Variants in PDE1C observed in about 807,000 individuals in gnomAD.
PDE1C encodes the protein phosphodiesterase 1C, also known as dual specificity calcium/calmodulin-dependent 3',5'-cyclic nucleotide phosphodiesterase 1C.
PDE1C carries 62 observed loss-of-function variants against 93.1 expected under a neutral mutation model. The ratio of observed to expected loss-of-function variants is 0.67; its 90% CI spans 0.54 to 0.82. PDE1C has a LOEUF of 0.82. PDE1C is among the 40% of genes least tolerant of loss of function. The pLI, the probability that PDE1C is intolerant of heterozygous loss-of-function variation, is 0.00. For missense variants in PDE1C, 742 were observed against 884.6 expected, an observed-to-expected ratio of 0.84 and a Z score of 2.04; for synonymous variants, 325 against 310.1, an observed-to-expected ratio of 1.05 and a Z score of -0.50.
intron 16 of PDE1C, among the ~76,000 whole-genome samples, chr7:31,808,665 G>A (rs970264911): frequency 1.3e-5 from 2 of 151,844 alleles, no homozygotes; most frequent in African/African-American, 4.8e-5. Flanking sequence ...TCTTATTTAT[G>A]CTGCATGATT....
intron 3 of PDE1C, among the ~76,000 whole-genome samples, chr7:32,140,601 GGAAAC>G (rs1264370861): frequency 1.3e-5 from 2 of 152,184 alleles, no homozygotes; most frequent in Non-Finnish European, 2.9e-5. Flanking sequence ...GCTTTGAAGC[GGAAAC>G]TCTACCTCCC....
At chr7:32,262,567 T>C (rs987965567) in intron 1 of PDE1C, among the ~76,000 whole-genome samples, 1 of 152,154 alleles carries the variant, frequency 6.6e-6, no homozygotes, top group Non-Finnish European at 1.5e-5. Context: ...GTGTTGACTA[T>C]GGCAGATACG....
At chr7:31,959,930 A>C (rs1321636479) in intron 2 of PDE1C, among the ~76,000 whole-genome samples, 1 of 151,660 alleles carries the variant, frequency 6.6e-6, no homozygotes, top group Non-Finnish European at 1.5e-5. Flanking sequence ...CAATGGCATG[A>C]TCTTGGCTCA....
intron 6 of PDE1C, among the ~76,000 whole-genome samples, chr7:31,868,849 T>C (rs1287485998): frequency 2.0e-5 from 3 of 150,540 alleles, no homozygotes; most frequent in Admixed American, 6.6e-5. Context: ...AATATCTCAT[T>C]AGAAACCCTA....
chr7:32,397,926 A>G (rs1363294432), intron 1 of PDE1C, among the ~76,000 whole-genome samples: 1 of 152,020 alleles, frequency 6.6e-6, no homozygotes, highest in African/African-American at 2.4e-5. Context: ...AGGCCAAGGC[A>G]GGTAGATCAT....
chr7:31,853,764 T>C (rs1284565558), intron 7 of PDE1C, among the ~76,000 whole-genome samples: 2 of 151,946 alleles, frequency 1.3e-5, no homozygotes, highest in African/African-American at 2.4e-5. Context: ...GGCTGGAGTA[T>C]AGTGGTGCAA....
At chr7:31,811,941 G>T (rs1054313239) in intron 15 of PDE1C, among the ~76,000 whole-genome samples, 2 of 152,118 alleles carry the variant, frequency 1.3e-5, no homozygotes, top group African/African-American at 4.8e-5. Context: ...CAAAGAAGGG[G>T]GCTGGGACAG....
At chr7:31,819,234 A>G (rs373625775) in intron 14 of PDE1C, among the ~76,000 whole-genome samples, 85 of 152,276 alleles carry the variant, frequency 5.6e-4, no homozygotes, top group African/African-American at 1.6e-3. Flanking sequence ...ACTGCATGAC[A>G]CCCAAAGTGG....
At chr7:31,914,267 T>C (rs1801605384) in intron 2 of PDE1C, among the ~76,000 whole-genome samples, 1 of 152,210 alleles carries the variant, frequency 6.6e-6, no homozygotes, top group Non-Finnish European at 1.5e-5. Context: ...AGGTAAAGAT[T>C]ATCATGGGAA....
intron 3 of PDE1C, among the ~76,000 whole-genome samples, chr7:32,145,250 A>C (rs1470560144): frequency 1.3e-5 from 2 of 152,222 alleles, no homozygotes; most frequent in Non-Finnish European, 2.9e-5. Context: ...CCTGAGCCAA[A>C]CCAATAAAGA....
upstream of PDE1C, among the ~76,000 whole-genome samples, chr7:32,074,863 T>C (rs1796264641): frequency 6.6e-6 from 1 of 152,214 alleles, no homozygotes; most frequent in African/African-American, 2.4e-5. Context: ...GTGGTGTGTC[T>C]GTGAATGTGA....
chr7:32,246,007 T>C (rs1808912651), intron 1 of PDE1C, among the ~76,000 whole-genome samples: 1 of 146,342 alleles, frequency 6.8e-6, no homozygotes, highest in Non-Finnish European at 1.5e-5. Flanking sequence ...TCTTGCTCTG[T>C]CACCCAGATT....
At chr7:32,260,508 C>A (rs1331436711) in intron 1 of PDE1C, among the ~76,000 whole-genome samples, 3 of 152,104 alleles carry the variant, frequency 2.0e-5, no homozygotes, top group African/African-American at 7.2e-5. Context: ...GCAGAGGGGT[C>A]AGTCCATGGA....
Position 31,837,854 on chromosome 7 carries a change from CCACAAGCA to C in PDE1C, c.1082+8_1082+15del. ...ACACCTATACAAACAAAAACACAAG[CCACAAGCA>C]CACTTACGCTTCTGGCTGCTGCAGA... On this transcript the variant is annotated splice_region_variant and intron_variant, in intron 10 of 17. Coordinates refer to ENST00000396191, the MANE Select transcript of PDE1C (RefSeq NM_001191057.4). 6.3e-7 allele frequency: 1 copy of C among 1,584,356 alleles called. No homozygotes were observed. The highest frequency in any genetic ancestry group is 1.7e-5 in the Admixed American group (1 of 59,874).
At chr7:31,664,891 G>T in the PDE1C span, among the ~76,000 whole-genome samples, 1 of 152,018 alleles carries the variant, frequency 6.6e-6, no homozygotes, top group Non-Finnish European at 1.5e-5. Flanking sequence ...TTATCCACTT[G>T]CCACTCAACA....
chr7:31,934,456 A>G (rs1804746418), intron 2 of PDE1C, among the ~76,000 whole-genome samples: 1 of 152,170 alleles, frequency 6.6e-6, no homozygotes, highest in East Asian at 1.9e-4. Flanking sequence ...TTCTCTGTGT[A>G]ACATGCTTTG....
intron 3 of PDE1C, among the ~76,000 whole-genome samples, chr7:31,879,722 C>T (rs150869954): frequency 4.6e-5 from 7 of 152,234 alleles, no homozygotes; most frequent in African/African-American, 1.4e-4. Context: ...TCTTTATTTG[C>T]GCACAATGAT....
chr7:32,335,505 A>G (rs1783601093), intron 1 of PDE1C, among the ~76,000 whole-genome samples: 1 of 152,206 alleles, frequency 6.6e-6, no homozygotes, highest in Non-Finnish European at 1.5e-5. Flanking sequence ...CTAGAAGTTC[A>G]AGATGATCAA....
intron 1 of PDE1C, among the ~76,000 whole-genome samples, chr7:32,220,848 GGTCCAATTCCACATATCAT>G (rs1389030137): frequency 2.6e-5 from 4 of 151,970 alleles, no homozygotes; most frequent in African/African-American, 9.7e-5. Context: ...AAAATCCTCT[GGTCCAATTCCACATATCAT>G]GCATGGATCC....
Sources: gnomAD v4.1 joint callset for allele counts (sites outside exome capture counted in the v4.1 genomes callset) on GRCh38, gnomAD v4.1.1 for gene constraint, MANE v1.5 for transcripts, NCBI Gene and HGNC (gene_info 2026-07-23, HGNC 2026-07-21) for gene names.